TBC1D30: variants seen among roughly 807,000 people sequenced by gnomAD.
TBC1D30 encodes the protein TBC1 domain family, member 30.
Under a neutral mutation model 63.2 loss-of-function variants are expected in TBC1D30, and 31 were observed. That is an observed-to-expected ratio of 0.49 (90% CI 0.37 to 0.66). The LOEUF (loss-of-function observed/expected upper bound fraction) is 0.66. TBC1D30 is among the 30% of genes least tolerant of loss of function. The pLI is 0.00. For synonymous variants in TBC1D30, 307 were observed against 361.5 expected (o/e 0.85, Z 1.71); for missense variants, 810 against 953.6 (o/e 0.85, Z 1.98).
rs996092515 is a variant in TBC1D30 at position 64,879,914 on chromosome 12, G to A, written c.*4126G>A. 6.6e-6 allele frequency: 1 copy of A among 152,202 alleles called. No individual in the cohort carries two copies. The highest frequency in any genetic ancestry group is 1.5e-5 in the Non-Finnish European group (1 of 68,038). 9.4% of individuals were successfully genotyped at this position (152,202 alleles called of 1,614,324 possible). A position where few individuals can be genotyped will look rare whatever the true frequency, so the allele number is the denominator to read the frequency against. On this transcript the variant is annotated 3_prime_UTR_variant, in exon 12 of 12. Transcript: ENST00000539867. ...AATACCAGATATTTTAGAGTTGGAAGTTATGCAGTAAAAGCTTTATGTGCA... is the reference window on the plus strand; with the variant it reads ...AATACCAGATATTTTAGAGTTGGAAATTATGCAGTAAAAGCTTTATGTGCA...
intron 5 of TBC1D30, among the ~76,000 whole-genome samples, chr12:64,834,429 TAG>T (rs1875143327): frequency 7.0e-6 from 1 of 143,520 alleles, no homozygotes; most frequent in Non-Finnish European, 1.5e-5. Flanking sequence ...TTTTTTGAGA[TAG>T]AGTCTTGCTC....
At chr12:64,843,858 C>T (rs1466187223) in intron 8 of TBC1D30, among the ~76,000 whole-genome samples, 2 of 152,216 alleles carry the variant, frequency 1.3e-5, no homozygotes, top group African/African-American at 2.4e-5. Context: ...GTGGCACAAT[C>T]GTTGCTCACT....
Position 64,875,351 on chromosome 12 carries a change from A to G in TBC1D30, c.1849A>G (p.Thr617Ala), listed in dbSNP as rs927101458. ...GGCATTCCCCTCTGGTTGTACAGCG[A>G]CAGCTGGGAGAGAAGGCAGCAGCCC... ...AEAFPSGCTA[T>A]AGREGSSPEG... Residue 617 changes from threonine (T) to alanine (A), a missense_variant, in exon 12 of 12, where the codon ACA (threonine) becomes GCA (alanine). Physicochemically the swap from Thr to Ala is moderately conservative, Grantham distance 58 (BLOSUM62 0). Coordinates refer to ENST00000539867, the MANE Select transcript of TBC1D30 (RefSeq NM_015279.2). The G allele has an allele frequency of 3.9e-6, 6 of 1,536,230 alleles. No individual in the cohort carries two copies. The Admixed American group carries it at 1.2e-4, about 30-fold the overall frequency.
intron 1 of TBC1D30, among the ~76,000 whole-genome samples, chr12:64,765,485 G>A (rs529301632): frequency 1.4e-4 from 6 of 41,506 alleles, no homozygotes; most frequent in South Asian, 9.6e-4. Context: ...GAGCAAGACT[G>A]TCTCCAAAAA....
At chr12:64,807,323 C>G (rs1345346008) in intron 2 of TBC1D30, among the ~76,000 whole-genome samples, 1 of 152,186 alleles carries the variant, frequency 6.6e-6, no homozygotes, top group Non-Finnish European at 1.5e-5. Flanking sequence ...ATGCTGAACT[C>G]TGAATCATTT....
At chr12:64,844,131 A>G (rs1876148606) in intron 8 of TBC1D30, among the ~76,000 whole-genome samples, 1 of 152,184 alleles carries the variant, frequency 6.6e-6, no homozygotes, top group Non-Finnish European at 1.5e-5. Flanking sequence ...ATTGTGGGGA[A>G]TAAATTATTG....
At chr12:64,784,334 G>A (rs1871441592) in intron 1 of TBC1D30, among the ~76,000 whole-genome samples, 1 of 151,866 alleles carries the variant, frequency 6.6e-6, no homozygotes, top group Non-Finnish European at 1.5e-5. Flanking sequence ...TTTAACTCAG[G>A]GCCAAATGCA....
rs1193769046 is a variant in TBC1D30, at chr12:64,881,017, A to C, written c.*5229A>C. The C allele has an allele frequency of 6.6e-6, 1 of 152,066 alleles. No individual in the cohort carries two copies. Among genetic ancestry groups the C allele is most frequent in the African/African-American group, 2.4e-5 (1 of 41,374 alleles). 9.4% of individuals were successfully genotyped at this position (152,066 alleles called of 1,614,324 possible). On this transcript the variant is annotated 3_prime_UTR_variant, in exon 12 of 12. Coordinates refer to ENST00000539867, the MANE Select transcript of TBC1D30 (RefSeq NM_015279.2). ...TCTATATTAAAACATGAAACAAAGC[A>C]AAAAATAAAAAAAAACCTCCTTAGT... is the stretch of plus-strand genomic sequence containing the variant.
At position 64,830,467 on chromosome 12, in the gene TBC1D30, C is replaced by A; in HGVS notation, c.373C>A (p.Pro125Thr). ...CTTCACTTTCAATGAAAGGAGTAAT[C>A]CTGATGATGACTCCATGGGAATTCA... is the stretch of plus-strand genomic sequence containing the variant. ...MRFTFNERSN[P>T]DDDSMGIQIV... The change falls in exon 4 of 12, where the codon CCT becomes ACT. Residue 125 changes from proline to threonine, a missense_variant. Coordinates refer to ENST00000539867, the MANE Select transcript of TBC1D30 (RefSeq NM_015279.2). 6.5e-7 allele frequency: 1 copy of A among 1,535,390 alleles called. No homozygotes were observed. The highest frequency in any genetic ancestry group is 1.2e-5 in the South Asian group (1 of 83,952).
At chr12:64,791,652 C>T (rs748792487) in intron 2 of TBC1D30, among the ~76,000 whole-genome samples, 6 of 151,336 alleles carry the variant, frequency 4.0e-5, no homozygotes, top group Non-Finnish European at 7.4e-5. Flanking sequence ...GTTGGGACTG[C>T]GGGTGTGTGC....
upstream of TBC1D30, among the ~76,000 whole-genome samples, chr12:64,820,505 A>C (rs1873828199): frequency 6.6e-6 from 1 of 152,210 alleles, no homozygotes; most frequent in Non-Finnish European, 1.5e-5. Flanking sequence ...ATCTCATCCA[A>C]TGTGAAGTGT....
intron 10 of TBC1D30, 70 bp downstream of exon 10, chr12:64,866,973 C>A: frequency 6.8e-7 from 1 of 1,460,680 alleles, no homozygotes; most frequent in Non-Finnish European, 9.2e-7. Context: ...GATATTGTGT[C>A]CTATAGATGC....
rs2136504381 is a variant in TBC1D30 at position 64,879,831 on chromosome 12, T to C, written c.*4043T>C. 1 of 151,404 alleles carries C rather than the reference T, an allele frequency of 6.6e-6. No homozygotes were observed. The highest frequency in any genetic ancestry group is 6.5e-5 in the Admixed American group (1 of 15,276). The allele number at this position is 151,404 out of a possible 1,614,324, so 9.4% of individuals were successfully genotyped here. A position where few individuals can be genotyped will look rare whatever the true frequency, so the allele number is the denominator to read the frequency against. On this transcript the variant is annotated 3_prime_UTR_variant, in exon 12 of 12. Coordinates refer to ENST00000539867, the MANE Select transcript of TBC1D30 (RefSeq NM_015279.2). ...ATTGTATCTTTTGAGAAGGGAATAG[T>C]ACTTGAGACTTGGTATCCTGAACTC...
intron 1 of TBC1D30, among the ~76,000 whole-genome samples, chr12:64,827,077 A>G (rs570667278): frequency 6.6e-6 from 1 of 152,344 alleles, no homozygotes; most frequent in South Asian, 2.1e-4. Context: ...CCATCATTTG[A>G]CTTTTGAAAT....
At chr12:64,826,895 C>T (rs1874405321) in intron 1 of TBC1D30, among the ~76,000 whole-genome samples, 1 of 152,118 alleles carries the variant, frequency 6.6e-6, no homozygotes. Flanking sequence ...TTTCCAGCTT[C>T]TTGACTCCGT....
intron 3 of TBC1D30, among the ~76,000 whole-genome samples, chr12:64,829,707 C>T (rs1220773448): frequency 1.3e-5 from 2 of 152,174 alleles, no homozygotes; most frequent in Non-Finnish European, 2.9e-5. Flanking sequence ...ACTTGAAATA[C>T]ACACTTAGGA....
intron 2 of TBC1D30, among the ~76,000 whole-genome samples, chr12:64,792,609 G>A (rs998966554): frequency 6.6e-6 from 1 of 152,098 alleles, no homozygotes; most frequent in South Asian, 2.1e-4. Flanking sequence ...TTGCTGTGTT[G>A]CCCAGGCCGG....
At chr12:64,846,938 AT>A (rs1161001185) in intron 8 of TBC1D30, among the ~76,000 whole-genome samples, 49 of 149,340 alleles carry the variant, frequency 3.3e-4, no homozygotes, top group South Asian at 6.5e-4. Context: ...TAGGTAGTTA[AT>A]TTTATTTGTT....
chr12:64,826,972 A>C (rs2079654682), intron 1 of TBC1D30, among the ~76,000 whole-genome samples: 1 of 152,212 alleles, frequency 6.6e-6, no homozygotes, highest in African/African-American at 2.4e-5. Flanking sequence ...AATTCTGAAG[A>C]TTGCTCCTAT....
Sources: gnomAD v4.1 joint callset for allele counts (sites outside exome capture counted in the v4.1 genomes callset) on GRCh38, gnomAD v4.1.1 for gene constraint, MANE v1.5 for transcripts, NCBI Gene and HGNC (gene_info 2026-07-23, HGNC 2026-07-21) for gene names.